Variants in ARHGAP24 observed in about 807,000 individuals in gnomAD.
The protein encoded by ARHGAP24 is rho GTPase-activating protein 24.
In ARHGAP24, 50 loss-of-function variants were observed where a neutral mutation model predicts 76.4. The ratio of observed to expected loss-of-function variants is 0.65; its 90% CI spans 0.52 to 0.83. ARHGAP24 has a LOEUF of 0.83. Ranked by LOEUF, ARHGAP24 falls within the 40% of genes least tolerant of loss-of-function variation. The pLI is 0.00. For missense variants in ARHGAP24, 930 were observed against 914.2 expected, an observed-to-expected ratio of 1.02 and a Z score of -0.22; for synonymous variants, 345 against 323.3, an observed-to-expected ratio of 1.07 and a Z score of -0.72.
At chr4:85,503,565 C>T (rs1178533076) in intron 1 of ARHGAP24, among the ~76,000 whole-genome samples, 1 of 151,876 alleles carries the variant, frequency 6.6e-6, no homozygotes, top group Non-Finnish European at 1.5e-5. Context: ...TGGTGATATG[C>T]CCTTTATCAT....
chr4:85,650,193 A>G (rs1721883148), intron 2 of ARHGAP24, among the ~76,000 whole-genome samples: 1 of 137,648 alleles, frequency 7.3e-6, no homozygotes, highest in African/African-American at 3.6e-5. Flanking sequence ...GTGCCATGAA[A>G]GATGTTATTA....
At chr4:85,484,874 C>T (rs561101663) in intron 1 of ARHGAP24, among the ~76,000 whole-genome samples, 8 of 152,152 alleles carry the variant, frequency 5.3e-5, no homozygotes, top group African/African-American at 1.9e-4. Flanking sequence ...GCCTCAGCCT[C>T]CCAAAGTACT....
chr4:85,911,573 G>A (rs1277836450), intron 3 of ARHGAP24, among the ~76,000 whole-genome samples: 2 of 152,180 alleles, frequency 1.3e-5, no homozygotes, highest in Non-Finnish European at 2.9e-5. Context: ...ATGCTTATGA[G>A]AACATTGAAG....
chr4:85,635,677 G>A (rs763497331), intron 2 of ARHGAP24, among the ~76,000 whole-genome samples: 4 of 151,912 alleles, frequency 2.6e-5, no homozygotes, highest in East Asian at 1.9e-4. Flanking sequence ...CAGTTTGATC[G>A]TACAAAGGAT....
intron 2 of ARHGAP24, among the ~76,000 whole-genome samples, chr4:85,572,898 A>G (rs1453991662): frequency 1.7e-5 from 2 of 117,202 alleles, no homozygotes; most frequent in African/African-American, 6.9e-5. Flanking sequence ...TTTTTTTGAG[A>G]TGGAGTCTCA....
At chr4:85,874,831 A>AAATATATTTTATATAATTTATATAT (rs1560688069) in intron 3 of ARHGAP24, among the ~76,000 whole-genome samples, 2 of 6,702 alleles carry the variant, frequency 3.0e-4, no homozygotes, top group African/African-American at 9.4e-4. Context: ...ATTTATATAT[A>AAATATATTTTATATAATTTATATAT]AAATATATTT....
In ARHGAP24 at chr4:85,995,412, G is replaced by T. The variant is rs756016885; in HGVS notation, c.1758G>T (p.Gly586=). 4.3e-6 allele frequency: 7 copies of T among 1,612,404 alleles called. No individual in the cohort carries two copies. The Admixed American group carries it at 8.3e-5, about 19-fold the overall frequency. ...TTCPEQDFFG[G]NFEDPVLDGP... ...GCCCAGAGCAAGACTTTTTTGGGGG[G>T]AACTTTGAGGACCCTGTTTTGGATG... The change falls in exon 9 of 10, where the codon GGG becomes GGT. Residue 586 remains glycine, a synonymous_variant. Coordinates refer to ENST00000395184, the MANE Select transcript of ARHGAP24 (RefSeq NM_001025616.3).
chr4:85,985,366 C>A (rs1360335957), intron 8 of ARHGAP24, among the ~76,000 whole-genome samples: 1 of 152,072 alleles, frequency 6.6e-6, no homozygotes, highest in Non-Finnish European at 1.5e-5. Context: ...TTATACTCAG[C>A]AAATTAACAT....
At chr4:85,793,293 C>T (rs1728208324) in intron 3 of ARHGAP24, among the ~76,000 whole-genome samples, 1 of 152,092 alleles carries the variant, frequency 6.6e-6, no homozygotes, top group Non-Finnish European at 1.5e-5. Context: ...TTACGACAAG[C>T]TTTTGTGATA....
chr4:85,718,271 T>A (rs768195380), intron 2 of ARHGAP24, among the ~76,000 whole-genome samples: 1 of 152,152 alleles, frequency 6.6e-6, no homozygotes, highest in African/African-American at 2.4e-5. Flanking sequence ...TTAAAAATGA[T>A]GTAGATGACT....
At chr4:85,873,369 G>C (rs1000925383) in intron 3 of ARHGAP24, among the ~76,000 whole-genome samples, 3 of 151,938 alleles carry the variant, frequency 2.0e-5, no homozygotes, top group Admixed American at 2.0e-4. Flanking sequence ...TTTTTTTCTT[G>C]CTTTTCTCCC....
At position 85,631,420 on chromosome 4, in the gene ARHGAP24, C is replaced by T. The variant is rs546633396; in HGVS notation, c.180+60699C>T. On this transcript the variant is annotated intron_variant, in intron 2 of 9. Transcript: ENST00000395184. ...ATATACATCAATGTTGTTAGATAAA[C>T]GGAAACTTTTCCAATTACTCTTTGG... Among the ~76,000 whole-genome samples the T allele has an allele frequency of 1.5e-4, 23 of 152,062 alleles. No individual in the cohort carries two copies. The South Asian group carries it at 1.9e-3, about 12-fold the overall frequency.
intron 1 of ARHGAP24, among the ~76,000 whole-genome samples, chr4:85,517,020 C>A (rs1406624001): frequency 6.6e-6 from 1 of 152,070 alleles, no homozygotes; most frequent in Admixed American, 6.6e-5. Flanking sequence ...CCTCAGTTTT[C>A]CATCTCTCCT....
chr4:85,683,307 C>A (rs962649918), intron 2 of ARHGAP24, among the ~76,000 whole-genome samples: 3 of 152,132 alleles, frequency 2.0e-5, no homozygotes, highest in African/African-American at 4.8e-5. Flanking sequence ...AATTCTCTCA[C>A]ACGTTGTAAT....
intron 2 of ARHGAP24, among the ~76,000 whole-genome samples, chr4:85,651,291 T>C (rs939941303): frequency 2.0e-5 from 3 of 149,168 alleles, no homozygotes; most frequent in African/African-American, 7.8e-5. Context: ...TTGTGTAGCA[T>C]AGATTTGGGG....
intron 1 of ARHGAP24, among the ~76,000 whole-genome samples, chr4:85,558,130 G>T (rs1314742818): frequency 6.6e-6 from 1 of 152,022 alleles, no homozygotes; most frequent in East Asian, 1.9e-4. Context: ...TCCATTTCCT[G>T]GGCCAGTCAC....
chr4:85,899,358 T>C (rs1023298206), intron 3 of ARHGAP24, among the ~76,000 whole-genome samples: 7 of 152,218 alleles, frequency 4.6e-5, no homozygotes, highest in African/African-American at 1.7e-4. Flanking sequence ...AGTAAATGAC[T>C]TTGTGCTATA....
chr4:85,710,711 G>A (rs1268269433), intron 2 of ARHGAP24, among the ~76,000 whole-genome samples: 1 of 152,052 alleles, frequency 6.6e-6, no homozygotes, highest in Non-Finnish European at 1.5e-5. Flanking sequence ...TGAAAATACA[G>A]GTCGACATCA....
chr4:85,476,968 G>T (rs772221930), intron 1 of ARHGAP24, among the ~76,000 whole-genome samples: 8 of 152,110 alleles, frequency 5.3e-5, no homozygotes, highest in Non-Finnish European at 1.0e-4. Context: ...CCAGAAATCT[G>T]TTCTCTCTAG....
Sources: allele counts gnomAD v4.1 joint callset (sites outside exome capture counted in the v4.1 genomes callset), GRCh38; gene constraint gnomAD v4.1.1; transcripts MANE v1.5; gene names NCBI Gene and HGNC (gene_info 2026-07-23, HGNC 2026-07-21).